CSMD2: variants seen among roughly 807,000 people sequenced by gnomAD.
The protein encoded by CSMD2 is CUB and Sushi multiple domains 2, also known as CUB and sushi domain-containing protein 2.
Under a neutral mutation model 398.5 loss-of-function variants are expected in CSMD2, and 130 were observed. The ratio of observed to expected loss-of-function variants is 0.33; its 90% confidence interval spans 0.28 to 0.38. The LOEUF (loss-of-function observed/expected upper bound fraction) is 0.38. Ranked by LOEUF, CSMD2 falls within the 10% of genes least tolerant of loss-of-function variation. CSMD2 has a pLI of 1.00. For synonymous variants in CSMD2, 1,828 were observed against 1,908.5 expected, an observed-to-expected ratio of 0.96 and a Z score of 1.10; for missense variants, 3,829 against 4,764.9, an observed-to-expected ratio of 0.80 and a Z score of 5.78.
In CSMD2 at chr1:33,545,181, T is replaced by C. The variant is rs147180743; in HGVS notation, c.9100+856A>G. 5.4e-4 allele frequency among the ~76,000 whole-genome samples: 82 copies of C among 152,322 alleles called. 2 individuals are homozygous for C. The highest frequency in any genetic ancestry group is 1.9e-3 in the African/African-American group (80 of 41,572). On this transcript the variant is annotated intron_variant, in intron 57 of 70. Coordinates refer to ENST00000373381, the MANE Select transcript of CSMD2 (RefSeq NM_001281956.2). ...CAAACTTACTCTCATCTGTTAAGCC[T>C]GCTTCCTGCCTAGGAGAGTACTATG...
chr1:33,658,202 G>T, intron 26 of CSMD2, 65 bp from the exon 27 acceptor site: 1 of 1,390,404 alleles, frequency 7.2e-7, no homozygotes, highest in Non-Finnish European at 1.0e-6. Flanking sequence ...GAGGCTCCCA[G>T]CTCATCACCC....
At chr1:34,046,561 C>T (rs149315769) in intron 2 of CSMD2, among the ~76,000 whole-genome samples, 11 of 152,262 alleles carry the variant, frequency 7.2e-5, no homozygotes, top group South Asian at 2.1e-4. Flanking sequence ...TTGGATCCAG[C>T]GTACCCCACA....
chr1:33,789,221 C>T (rs1049626605), intron 11 of CSMD2, among the ~76,000 whole-genome samples: 5 of 151,514 alleles, frequency 3.3e-5, no homozygotes. Flanking sequence ...GGATAAGGAA[C>T]AAGGCTTAGA....
chr1:34,042,064 G>A (rs1313660278), intron 2 of CSMD2, among the ~76,000 whole-genome samples: 1 of 152,188 alleles, frequency 6.6e-6, no homozygotes, highest in African/African-American at 2.4e-5. Flanking sequence ...AGTGAGAAAG[G>A]CCATAATGAA....
chr1:33,713,554 G>A (rs1646060881), intron 21 of CSMD2, among the ~76,000 whole-genome samples: 1 of 152,088 alleles, frequency 6.6e-6, no homozygotes, highest in Non-Finnish European at 1.5e-5. Flanking sequence ...CAATCACTCC[G>A]CCCTGGGGAA....
intron 3 of CSMD2, among the ~76,000 whole-genome samples, chr1:33,968,215 T>G (rs1467316313): frequency 6.6e-6 from 1 of 152,228 alleles, no homozygotes; most frequent in Non-Finnish European, 1.5e-5. Context: ...TTGCATCTCA[T>G]GCTTCCTTAA....
At chr1:33,575,510 A>G (rs1432145254) in intron 49 of CSMD2, among the ~76,000 whole-genome samples, 4 of 152,108 alleles carry the variant, frequency 2.6e-5, no homozygotes, top group Non-Finnish European at 5.9e-5. Context: ...CTAGGATTCC[A>G]GAGAACACAG....
chr1:33,943,979 A>C (rs894654173), intron 3 of CSMD2, among the ~76,000 whole-genome samples: 2 of 151,824 alleles, frequency 1.3e-5, no homozygotes, highest in Admixed American at 6.6e-5. Context: ...TAAATAGTGT[A>C]AGAATTGGCA....
chr1:34,131,226 A>T (rs1663311527), intron 1 of CSMD2, among the ~76,000 whole-genome samples: 1 of 152,154 alleles, frequency 6.6e-6, no homozygotes, highest in African/African-American at 2.4e-5. Flanking sequence ...CACTTTACAG[A>T]TGAGGACACT....
At chr1:34,007,501 G>T (rs1259049792) in intron 3 of CSMD2, among the ~76,000 whole-genome samples, 1 of 152,156 alleles carries the variant, frequency 6.6e-6, no homozygotes, top group African/African-American at 2.4e-5. Flanking sequence ...AGGGAGTGAA[G>T]AAATGGGTAT....
chr1:33,751,548 T>TC (rs1292005931), intron 13 of CSMD2, among the ~76,000 whole-genome samples: 2 of 152,132 alleles, frequency 1.3e-5, no homozygotes, highest in African/African-American at 4.8e-5. Context: ...TACATAGACA[T>TC]CCTGCTACAG....
intron 13 of CSMD2, among the ~76,000 whole-genome samples, chr1:33,771,670 T>G (rs191014577): frequency 6.6e-6 from 1 of 152,162 alleles, no homozygotes; most frequent in East Asian, 1.9e-4. Context: ...CTCCCAGCCC[T>G]GAGGGATCAC....
intron 11 of CSMD2, among the ~76,000 whole-genome samples, chr1:33,790,525 G>T (rs1406587171): frequency 6.6e-6 from 1 of 152,168 alleles, no homozygotes; most frequent in Non-Finnish European, 1.5e-5. Context: ...CTGGCATTTG[G>T]ACTGCAACTC....
intron 22 of CSMD2, among the ~76,000 whole-genome samples, chr1:33,707,695 G>GCACACA (rs200504764): frequency 0.013 from 1,185 of 91,992 alleles, 8 homozygotes; most frequent in Middle Eastern, 0.019. Context: ...GCGCGCGCGC[G>GCACACA]CACACACACA....
chr1:34,117,923 A>T (rs1038099829), intron 1 of CSMD2, among the ~76,000 whole-genome samples: 3 of 152,140 alleles, frequency 2.0e-5, no homozygotes, highest in African/African-American at 7.2e-5. Flanking sequence ...AAAAGAAAAA[A>T]CACTCAGCCA....
intron 6 of CSMD2, among the ~76,000 whole-genome samples, chr1:33,840,318 G>A (rs1660723609): frequency 6.6e-6 from 1 of 152,076 alleles, no homozygotes; most frequent in Non-Finnish European, 1.5e-5. Context: ...TCTCTACCTG[G>A]GACATTCTTT....
intron 2 of CSMD2, among the ~76,000 whole-genome samples, chr1:34,061,559 C>T (rs960741456): frequency 6.6e-6 from 1 of 152,222 alleles, no homozygotes; most frequent in Non-Finnish European, 1.5e-5. Flanking sequence ...CCAGCACCAC[C>T]ACTTATGAGT....
intron 5 of CSMD2, among the ~76,000 whole-genome samples, chr1:33,893,824 T>C (rs1207539976): frequency 6.6e-6 from 1 of 152,346 alleles, no homozygotes; most frequent in African/African-American, 2.4e-5. Context: ...GTAAGTTTCA[T>C]AGCCCTGATT....
At chr1:33,874,793 G>A (rs992872830) in intron 5 of CSMD2, among the ~76,000 whole-genome samples, 8 of 152,180 alleles carry the variant, frequency 5.3e-5, no homozygotes, top group African/African-American at 1.2e-4. Flanking sequence ...TATAAACCAC[G>A]TAAATTCCTC....
Sources: allele counts gnomAD v4.1 joint callset (sites outside exome capture counted in the v4.1 genomes callset), GRCh38; gene constraint gnomAD v4.1.1; transcripts MANE v1.5; gene names NCBI Gene and HGNC (gene_info 2026-07-23, HGNC 2026-07-21).